The following IGSF11 variants were observed in gnomAD, a reference collection of about 807,000 sequenced individuals.
IGSF11 encodes the protein immunoglobulin superfamily member 11, also known as CXADR like 1.
IGSF11 carries 22 observed loss-of-function variants against 41.0 expected under a neutral mutation model. The ratio of observed to expected loss-of-function variants is 0.54; its 90% confidence interval spans 0.38 to 0.77. The LOEUF (loss-of-function observed/expected upper bound fraction) is 0.77. IGSF11 is among the 30% of genes least tolerant of loss of function. The pLI is 0.00. For missense variants in IGSF11, 444 were observed against 530.8 expected, an observed-to-expected ratio of 0.84 and a Z score of 1.61; for synonymous variants, 219 against 201.3, an observed-to-expected ratio of 1.09 and a Z score of -0.74.
At chr3:119,139,925 G>A (rs923555563) in intron 1 of IGSF11, among the ~76,000 whole-genome samples, 8 of 152,028 alleles carry the variant, frequency 5.3e-5, no homozygotes, top group African/African-American at 1.2e-4. Context: ...CTGAAGTTAC[G>A]TTAGTATAAA....
chr3:119,022,760 G>A (rs1939421450), intron 1 of IGSF11, among the ~76,000 whole-genome samples: 1 of 152,162 alleles, frequency 6.6e-6, no homozygotes. Flanking sequence ...TGACAAGGAT[G>A]TAAAGGAAAT....
chr3:119,071,458 C>T (rs1576761675), intron 1 of IGSF11, among the ~76,000 whole-genome samples: 1 of 152,120 alleles, frequency 6.6e-6, no homozygotes, highest in East Asian at 1.9e-4. Context: ...ATAGTTTTAG[C>T]TTTTATATTT....
chr3:119,111,323 T>C (rs1208169151), intron 1 of IGSF11, among the ~76,000 whole-genome samples: 2 of 152,178 alleles, frequency 1.3e-5, no homozygotes, highest in African/African-American at 4.8e-5. Context: ...CTTCCCTTCT[T>C]GCTTCATTTC....
chr3:118,915,883 G>A (rs1308365067), intron 4 of IGSF11, among the ~76,000 whole-genome samples: 1 of 101,048 alleles, frequency 9.9e-6, no homozygotes, highest in Non-Finnish European at 1.8e-5. Flanking sequence ...TCAAAGGGAA[G>A]CCCATCAGAC....
intron 1 of IGSF11, among the ~76,000 whole-genome samples, chr3:119,095,172 A>G (rs1298833737): frequency 6.6e-6 from 1 of 152,204 alleles, no homozygotes; most frequent in African/African-American, 2.4e-5. Context: ...TAATACATAC[A>G]CACTTGGGAT....
chr3:118,930,330 C>G (rs1942746450), intron 1 of IGSF11, 55 bp from the exon 2 acceptor site: 2 of 1,521,780 alleles, frequency 1.3e-6, no homozygotes, highest in East Asian at 4.6e-5. Flanking sequence ...ACAGTCCAAA[C>G]TCCTTCAGGA....
chr3:119,041,184 G>T (rs1299774784), intron 1 of IGSF11, among the ~76,000 whole-genome samples: 1 of 152,150 alleles, frequency 6.6e-6, no homozygotes, highest in Non-Finnish European at 1.5e-5. Flanking sequence ...ATATAATACA[G>T]AAGATTGACA....
At chr3:119,113,514 C>T (rs2077213188) in intron 1 of IGSF11, among the ~76,000 whole-genome samples, 1 of 152,220 alleles carries the variant, frequency 6.6e-6, no homozygotes, top group African/African-American at 2.4e-5. Flanking sequence ...CTTTGACTCC[C>T]TGTCTCACAT....
rs1226012238 is a variant in IGSF11 at position 118,923,185 on chromosome 3, T to G, written c.580+2916A>C. Among the ~76,000 whole-genome samples, 6 of 152,272 alleles carry G rather than the reference T, an allele frequency of 3.9e-5. No individual in the cohort carries two copies. The East Asian group carries it at 1.2e-3, about 29-fold the overall frequency. ...TGAATGCTAGGCTTCTGTTGTCCTT[T>G]GCTGCCTATTAAATAATAAATCCAC... On this transcript the variant is annotated intron_variant, in intron 4 of 6. Coordinates refer to ENST00000393775, the MANE Select transcript of IGSF11 (RefSeq NM_001015887.3).
chr3:119,022,209 T>C (rs75201169), intron 1 of IGSF11, among the ~76,000 whole-genome samples: 7 of 152,318 alleles, frequency 4.6e-5, no homozygotes, highest in Non-Finnish European at 7.4e-5. Flanking sequence ...ATTCTACTTA[T>C]ATGAGGTATC....
intron 1 of IGSF11, among the ~76,000 whole-genome samples, chr3:118,976,899 A>C (rs779965575): frequency 7.2e-5 from 11 of 152,204 alleles, no homozygotes; most frequent in Non-Finnish European, 1.2e-4. Context: ...TATTTTCAAA[A>C]ATAGTCATAA....
In IGSF11 at chr3:119,018,044, C is replaced by T. The variant is rs151241079; in HGVS notation, c.52+16487G>A. Among the ~76,000 whole-genome samples, 219 of 152,096 alleles carry T rather than the reference C, an allele frequency of 1.4e-3. 1 individual carries two copies. The highest frequency in any genetic ancestry group is 4.7e-3 in the African/African-American group (197 of 41,506). ...CACCTACACTGTCTAACCCAAGAGT[C>T]GAGCACAATTTCTTATTGACTGGTA... is the stretch of plus-strand genomic sequence containing the variant. On this transcript the variant is annotated intron_variant, in intron 1 of 6. Transcript: ENST00000393775.
chr3:118,936,190 C>G (rs1213427516), intron 1 of IGSF11, among the ~76,000 whole-genome samples: 3 of 151,956 alleles, frequency 2.0e-5, no homozygotes, highest in Non-Finnish European at 4.4e-5. Flanking sequence ...AGAATTTAAA[C>G]TTGAATGCTA....
intron 1 of IGSF11, among the ~76,000 whole-genome samples, chr3:119,045,899 T>G (rs1941328382): frequency 2.0e-5 from 3 of 151,838 alleles, no homozygotes; most frequent in African/African-American, 7.3e-5. Context: ...CACCTCACAC[T>G]CCAGGGTACT....
Position 118,901,059 on chromosome 3 carries a change from A to C in IGSF11, c.*1461T>G, listed in dbSNP as rs1458374347. On this transcript the variant is annotated 3_prime_UTR_variant, in exon 7 of 7. Transcript: ENST00000393775. ...AGTAAGAGAACACATCCAGAAAGAA[A>C]AGACACTCTTATTGAGACATGGGAT... 3.3e-5 allele frequency: 5 copies of C among 152,628 alleles called. No individual in the cohort carries two copies. The highest frequency in any genetic ancestry group is 4.8e-5 in the African/African-American group (2 of 41,448). 9.5% of individuals were successfully genotyped at this position (152,628 alleles called of 1,614,324 possible).
chr3:119,043,749 C>T (rs1941210909), intron 1 of IGSF11, among the ~76,000 whole-genome samples: 1 of 152,120 alleles, frequency 6.6e-6, no homozygotes, highest in Admixed American at 6.5e-5. Context: ...TGCAGGCATT[C>T]CCCAATACCA....
intron 1 of IGSF11, among the ~76,000 whole-genome samples, chr3:118,962,123 TTAAAG>T (rs1453747816): frequency 6.6e-6 from 1 of 152,220 alleles, no homozygotes; most frequent in Non-Finnish European, 1.5e-5. Context: ...ATTCCTGTGC[TTAAAG>T]GTTAGATTCT....
chr3:118,998,926 G>T (rs764952060), intron 1 of IGSF11, among the ~76,000 whole-genome samples: 1 of 152,012 alleles, frequency 6.6e-6, no homozygotes, highest in Non-Finnish European at 1.5e-5. Context: ...AACCATCTAA[G>T]TATTCATCAA....
intron 1 of IGSF11, among the ~76,000 whole-genome samples, chr3:119,124,409 G>A (rs534978682): frequency 7.3e-5 from 11 of 151,172 alleles, no homozygotes; most frequent in Admixed American, 1.3e-4. Flanking sequence ...TAGGATTACA[G>A]GTGCCTGCCA....
Sources: gnomAD v4.1 joint callset for allele counts (sites outside exome capture counted in the v4.1 genomes callset) on GRCh38, gnomAD v4.1.1 for gene constraint, MANE v1.5 for transcripts, NCBI Gene and HGNC (gene_info 2026-07-23, HGNC 2026-07-21) for gene names.